CALN1: variants seen among roughly 807,000 people sequenced by gnomAD.
The protein encoded by CALN1 is calneuron 1.
Under a neutral mutation model 30.6 loss-of-function variants are expected in CALN1, and 17 were observed. The ratio of observed to expected loss-of-function variants is 0.56; its 90% CI spans 0.38 to 0.83. CALN1 has a LOEUF of 0.83. Ranked by LOEUF, CALN1 falls within the 40% of genes least tolerant of loss-of-function variation. CALN1 has a pLI of 0.00. For missense variants in CALN1, 291 were observed against 354.9 expected (o/e 0.82, Z 1.45); for synonymous variants, 156 against 131.4 (o/e 1.19, Z -1.28).
intron 3 of CALN1, among the ~76,000 whole-genome samples, chr7:72,210,759 G>A (rs1300063984): frequency 6.6e-6 from 1 of 151,962 alleles, no homozygotes; most frequent in Admixed American, 6.6e-5. Flanking sequence ...ATGATTATGG[G>A]GATTACAATG....
At chr7:71,823,999 C>T (rs1485762860) in intron 5 of CALN1, among the ~76,000 whole-genome samples, 5 of 152,068 alleles carry the variant, frequency 3.3e-5, no homozygotes, top group Non-Finnish European at 7.4e-5. Flanking sequence ...CAATTACCTC[C>T]CATCAGCTCC....
intron 5 of CALN1, among the ~76,000 whole-genome samples, chr7:71,905,657 A>G (rs777960379): frequency 6.6e-6 from 1 of 152,014 alleles, no homozygotes; most frequent in Non-Finnish European, 1.5e-5. Context: ...TAAACTCTAT[A>G]AAGATTCTAG....
chr7:72,031,046 C>T (rs1412299522), intron 4 of CALN1, among the ~76,000 whole-genome samples: 2 of 152,208 alleles, frequency 1.3e-5, no homozygotes, highest in African/African-American at 4.8e-5. Flanking sequence ...GCCCATTTGA[C>T]AAATGAGAAA....
intron 2 of CALN1, among the ~76,000 whole-genome samples, chr7:72,374,206 G>A (rs1017248909): frequency 6.6e-6 from 1 of 152,158 alleles, no homozygotes; most frequent in Non-Finnish European, 1.5e-5. Context: ...GAAATATCTA[G>A]GTGAATTTAA....
chr7:72,162,594 CCAG>C (rs1464217374), intron 3 of CALN1, among the ~76,000 whole-genome samples: 1 of 151,884 alleles, frequency 6.6e-6, no homozygotes, highest in East Asian at 1.9e-4. Context: ...AAAAAATTAG[CCAG>C]GCATGGTGGT....
At chr7:71,840,552 C>T (rs1169972592) in intron 5 of CALN1, among the ~76,000 whole-genome samples, 1 of 149,516 alleles carries the variant, frequency 6.7e-6, no homozygotes, top group Non-Finnish European at 1.5e-5. Context: ...TAACATCCTG[C>T]AGGGCCAAGT....
At chr7:72,441,566 C>G (rs997818138) in intron 1 of CALN1, among the ~76,000 whole-genome samples, 1 of 141,676 alleles carries the variant, frequency 7.1e-6, no homozygotes, top group African/African-American at 2.7e-5. Context: ...CCATTGCACT[C>G]CAGCCTGAGC....
intron 5 of CALN1, among the ~76,000 whole-genome samples, chr7:71,814,079 G>A (rs1262897138): frequency 6.6e-6 from 1 of 152,126 alleles, no homozygotes; most frequent in Non-Finnish European, 1.5e-5. Flanking sequence ...CAGCTTTCCT[G>A]GGAATCTTGG....
chr7:72,296,203 G>A (rs1244118301), intron 2 of CALN1, among the ~76,000 whole-genome samples: 2 of 150,984 alleles, frequency 1.3e-5, no homozygotes, highest in East Asian at 3.9e-4. Flanking sequence ...TTGCATCCCA[G>A]GGATGAAGCC....
intron 2 of CALN1, among the ~76,000 whole-genome samples, chr7:72,368,069 C>T (rs969210630): frequency 1.3e-5 from 2 of 151,578 alleles, no homozygotes; most frequent in Admixed American, 6.6e-5. Flanking sequence ...TGCAGTGAGC[C>T]GAGACTGCGC....
chr7:72,172,656 T>G lies in CALN1; in HGVS notation c.245-66362A>C, dbSNP rs181866628. Among the ~76,000 whole-genome samples the G allele has an allele frequency of 1.2e-4, 18 of 152,358 alleles. No individual in the cohort carries two copies. In the East Asian group the frequency reaches 3.5e-3, roughly 29 times the overall value. On this transcript the variant is annotated intron_variant, in intron 3 of 6. Transcript: ENST00000395275. ...GGTTCAACATTTCTTTAAAAAGAGATAATTCACTACTTCAACTGAATAAGT... is the reference window on the plus strand; with the variant it reads ...GGTTCAACATTTCTTTAAAAAGAGAGAATTCACTACTTCAACTGAATAAGT...
intron 4 of CALN1, among the ~76,000 whole-genome samples, chr7:72,070,816 C>T (rs1804340178): frequency 6.6e-6 from 1 of 152,174 alleles, no homozygotes; most frequent in South Asian, 2.1e-4. Context: ...TTTATAAGGT[C>T]TCCTCCCCTG....
chr7:71,797,844 C>T (rs923910727), intron 6 of CALN1, among the ~76,000 whole-genome samples: 4 of 152,112 alleles, frequency 2.6e-5, no homozygotes, highest in South Asian at 2.1e-4. Context: ...TTTCCACCAT[C>T]GCAAACCAGG....
intron 5 of CALN1, among the ~76,000 whole-genome samples, chr7:71,965,056 C>T (rs571859663): frequency 1.3e-5 from 2 of 152,236 alleles, no homozygotes; most frequent in South Asian, 4.2e-4. Flanking sequence ...GAGACATGGT[C>T]TCACTCTGTC....
chr7:72,295,952 C>G (rs370905600), intron 2 of CALN1, among the ~76,000 whole-genome samples: 110 of 151,958 alleles, frequency 7.2e-4, no homozygotes, highest in East Asian at 5.4e-3. Context: ...AGTTTTCAAA[C>G]GGAATGCTTC....
At position 71,781,593 on chromosome 7, in the gene CALN1, T is replaced by C. The variant is rs1792717795; in HGVS notation, c.*6182A>G. ...TCTTTGTCTCCCTCAGGTCCAGGGA[T>C]GGAGCAATATCGCAGTTGCACCTTG... On this transcript the variant is annotated 3_prime_UTR_variant, in exon 7 of 7. Transcript: ENST00000395275. 1 of 152,256 alleles carries C rather than the reference T, an allele frequency of 6.6e-6. No homozygotes were observed. Among genetic ancestry groups the C allele is most frequent in the Middle Eastern group, 3.2e-3 (1 of 316 alleles). The allele number at this position is 152,256 out of a possible 1,614,324, so 9.4% of individuals were successfully genotyped here.
At chr7:72,156,580 G>A (rs570619277) in intron 3 of CALN1, among the ~76,000 whole-genome samples, 2 of 152,314 alleles carry the variant, frequency 1.3e-5, no homozygotes, top group African/African-American at 4.8e-5. Context: ...TTGGGGAAGG[G>A]CCCCATGAGT....
chr7:71,847,639 A>G (rs1448245589), intron 5 of CALN1, among the ~76,000 whole-genome samples: 1 of 151,306 alleles, frequency 6.6e-6, no homozygotes, highest in African/African-American at 2.4e-5. Context: ...CCAAGATTGC[A>G]CCACTGCACG....
intron 2 of CALN1, among the ~76,000 whole-genome samples, chr7:72,400,911 G>A (rs1044498007): frequency 1.3e-5 from 2 of 152,138 alleles, no homozygotes; most frequent in African/African-American, 4.8e-5. Flanking sequence ...GTGATCTGGA[G>A]ATGGAAGATG....
Sources: allele counts gnomAD v4.1 joint callset (sites outside exome capture counted in the v4.1 genomes callset), GRCh38; gene constraint gnomAD v4.1.1; transcripts MANE v1.5; gene names NCBI Gene and HGNC (gene_info 2026-07-23, HGNC 2026-07-21).